LIG1: variants seen among roughly 807,000 people sequenced by gnomAD.
LIG1 encodes the protein DNA ligase 1, also known as ligase I, DNA, ATP-dependent.
Under a neutral mutation model 115.7 loss-of-function variants are expected in LIG1, and 70 were observed. The observed-to-expected ratio is 0.60, with a 90% CI of 0.50 to 0.74. LIG1 has a LOEUF of 0.74. Among genes scored for constraint, LIG1 ranks in the 30% least tolerant of loss-of-function variants. The pLI, the probability that LIG1 is intolerant of heterozygous loss-of-function variation, is 0.00. For synonymous variants in LIG1, 487 were observed against 495.3 expected, an observed-to-expected ratio of 0.98 and a Z score of 0.22; for missense variants, 1,115 against 1,225.6, an observed-to-expected ratio of 0.91 and a Z score of 1.35.
At chr19:48,159,353 A>G (rs2036040147) in intron 4 of LIG1, among the ~76,000 whole-genome samples, 1 of 137,834 alleles carries the variant, frequency 7.3e-6, no homozygotes, top group African/African-American at 3.3e-5. Context: ...TACAGGCGTG[A>G]GCCATCATGC....
rs1462062470 is a variant in LIG1, at chr19:48,127,276, C to A, written c.2004+1G>T. ...CCCCTGGACAGGAAGCTGGAACTCA[C>A]CTCTCCATTGAGGTAGATGAGGTCG... is the stretch of plus-strand genomic sequence containing the variant. On this transcript the variant is annotated splice_donor_variant, in intron 21 of 27. Transcript: ENST00000263274. LOFTEE classifies it high-confidence loss of function. 6.8e-6 allele frequency: 11 copies of A among 1,613,372 alleles called. No homozygotes were observed. Among genetic ancestry groups the A allele is most frequent in the Non-Finnish European group, 9.3e-6 (11 of 1,179,650 alleles).
intron 16 of LIG1, 123 bp downstream of exon 16, chr19:48,135,557 G>A (rs1474432895): frequency 3.7e-6 from 3 of 811,798 alleles, no homozygotes; most frequent in African/African-American, 1.7e-5. Context: ...GTCACCCCGT[G>A]ACCGGCACTC....
At chr19:48,144,229 A>T (rs1350569412) in intron 9 of LIG1, among the ~76,000 whole-genome samples, 1 of 152,156 alleles carries the variant, frequency 6.6e-6, no homozygotes, top group Admixed American at 6.5e-5. Context: ...AGAGGATGAG[A>T]TGAGGGTGCT....
At chr19:48,152,963 G>A (rs773917784) in intron 6 of LIG1, among the ~76,000 whole-genome samples, 8 of 152,126 alleles carry the variant, frequency 5.3e-5, no homozygotes, top group South Asian at 2.1e-4. Context: ...TTGTGAGGCC[G>A]AGGTGGGCAG....
chr19:48,133,901 G>T, intron 17 of LIG1, 80 bp downstream of exon 17: 3 of 1,156,884 alleles, frequency 2.6e-6, no homozygotes, highest in Non-Finnish European at 3.8e-6. Context: ...TGAGAGGGGC[G>T]CCTACGATGG....
rs200331136 is a variant in LIG1 at position 48,143,972 on chromosome 19, G to A, written c.777-9C>T. ...CAGATGGATCCAGGGGTCTACGGAG[G>A]CAAAACGGAGATTGAATTGCATAGA... On this transcript the variant is annotated splice_polypyrimidine_tract_variant and intron_variant, in intron 9 of 27. Transcript: ENST00000263274. 1.5e-4 allele frequency: 243 copies of A among 1,605,912 alleles called. No homozygotes were observed. The Middle Eastern group carries it at 4.0e-3, about 26-fold the overall frequency.
chr19:48,115,526 C>T lies in LIG1; in HGVS notation c.*123G>A. On this transcript the variant is annotated 3_prime_UTR_variant, in exon 28 of 28. Coordinates refer to ENST00000263274, the MANE Select transcript of LIG1 (RefSeq NM_000234.3). ...AGTAAGCCACCCCCTCACACACACA[C>T]CCCTCCCCTGACTCTCAAAATCCAC... is the stretch of plus-strand genomic sequence containing the variant. The T allele has an allele frequency of 1.4e-6, 1 of 733,926 alleles. No homozygotes were observed. Among genetic ancestry groups the T allele is most frequent in the Non-Finnish European group, 2.4e-6 (1 of 412,636 alleles). 45.5% of individuals were successfully genotyped at this position (733,926 alleles called of 1,614,324 possible).
intron 9 of LIG1, among the ~76,000 whole-genome samples, chr19:48,146,818 A>G (rs1164168656): frequency 1.3e-5 from 2 of 152,234 alleles, no homozygotes; most frequent in African/African-American, 2.4e-5. Flanking sequence ...CGATATGGCA[A>G]TGGGGAAGAA....
intron 20 of LIG1, 128 bp from the exon 21 acceptor site, chr19:48,127,476 G>T: frequency 1.2e-6 from 1 of 845,450 alleles, no homozygotes; most frequent in Non-Finnish European, 2.0e-6. Context: ...CTGTGAGGGC[G>T]GCCATGCTGC....
intron 1 of LIG1, among the ~76,000 whole-genome samples, chr19:48,166,168 G>A (rs1242496003): frequency 2.0e-5 from 3 of 152,206 alleles, no homozygotes; most frequent in African/African-American, 7.2e-5. Context: ...AGGCCGAGGT[G>A]GGTGGATCAC....
chr19:48,162,290 T>C lies in LIG1; in HGVS notation c.79A>G (p.Ser27Gly). The C allele has an allele frequency of 6.2e-7, 1 of 1,614,124 alleles. No individual in the cohort carries two copies. The highest frequency in any genetic ancestry group is 8.5e-7 in the Non-Finnish European group (1 of 1,179,980). The change falls in exon 3 of 28, where the codon AGC (serine) becomes GGC (glycine). Residue 27 changes from serine (S) to glycine (G), a missense_variant. By Grantham distance (56) the Ser-to-Gly change is moderately conservative. Coordinates refer to ENST00000263274, the MANE Select transcript of LIG1 (RefSeq NM_000234.3). ...GGAGGGGGCTCCGTCTCTCTGCTGCTATTGGATGCCTCCTTCTCAGGCTTC... is the reference window on the plus strand; with the variant it reads ...GGAGGGGGCTCCGTCTCTCTGCTGCCATTGGATGCCTCCTTCTCAGGCTTC... ...AKKPEKEASN[S>G]SRETEPPPKA...
chr19:48,142,630 C>T (rs114957627), intron 11 of LIG1, among the ~76,000 whole-genome samples: 3,046 of 151,922 alleles, frequency 0.02, 116 homozygotes, highest in African/African-American at 0.069. Context: ...CAGAATGAGC[C>T]GTACCCATGA....
rs1356327575 is a variant in LIG1, at chr19:48,157,090, A to C, written c.294T>G (p.Ser98=). 6.2e-7 allele frequency: 1 copy of C among 1,613,294 alleles called. No individual in the cohort carries two copies. The highest frequency in any genetic ancestry group is 8.5e-7 in the Non-Finnish European group (1 of 1,179,640). ...CAGAGAGGGAAGCATTGTTCTCAGGAGATGTGGCAGGACGGGGCGGGGAGA... is the reference window on the plus strand; with the variant it reads ...CAGAGAGGGAAGCATTGTTCTCAGGCGATGTGGCAGGACGGGGCGGGGAGA... ...SQVSPPRPAT[S]PENNASLSDT... Residue 98 remains serine (S), a synonymous_variant, in exon 5 of 28, where the codon TCT becomes TCG. Transcript: ENST00000263274.
chr19:48,146,002 G>C (rs762599877), intron 9 of LIG1: 2 of 152,438 alleles, frequency 1.3e-5, no homozygotes. Flanking sequence ...ACTCCCAGCA[G>C]TGTTGTGAGG....
chr19:48,150,008 C>T lies in LIG1; in HGVS notation c.697+80G>A, dbSNP rs560031251. 2.2e-5 allele frequency: 35 copies of T among 1,605,676 alleles called. No homozygotes were observed. The East Asian group carries it at 7.6e-4, about 35-fold the overall frequency. ...AGGAAAGGAAGAAGGGTCTTCGCAG[C>T]ATCTCAGGCCTCTGGAGAGAGGCTC... On this transcript the variant is annotated intron_variant, in intron 8 of 27. Transcript: ENST00000263274.
At chr19:48,165,814 C>T in intron 1 of LIG1, 191 bp from the exon 2 acceptor site, 4 of 618,832 alleles carry the variant, frequency 6.5e-6, no homozygotes, top group South Asian at 3.5e-5. Context: ...ATAAAAGCTC[C>T]AAATCAGAGA....
chr19:48,115,510 C>T lies in LIG1; in HGVS notation c.*139G>A. 1.5e-6 allele frequency: 1 copy of T among 684,474 alleles called. No homozygotes were observed. The highest frequency in any genetic ancestry group is 2.7e-6 in the Non-Finnish European group (1 of 376,834). 42.4% of individuals were successfully genotyped at this position (684,474 alleles called of 1,614,324 possible). ...GAATCCCAGACTCCGGAGTAAGCCA[C>T]CCCCTCACACACACACCCCTCCCCT... On this transcript the variant is annotated 3_prime_UTR_variant, in exon 28 of 28. Coordinates refer to ENST00000263274, the MANE Select transcript of LIG1 (RefSeq NM_000234.3).
rs552629928 is a variant in LIG1 at position 48,126,640 on chromosome 19, T to C, written c.2004+637A>G. Among the ~76,000 whole-genome samples the C allele has an allele frequency of 2.1e-4, 31 of 151,166 alleles. 1 individual carries two copies. Among genetic ancestry groups the C allele is most frequent in the Admixed American group, 9.2e-4 (14 of 15,166 alleles). ...AAAAAAAAATTCAAGACTCACTCCA[T>C]AGAGCTTGTTCATGTGGGTTACATA... On this transcript the variant is annotated intron_variant, in intron 21 of 27. Coordinates refer to ENST00000263274, the MANE Select transcript of LIG1 (RefSeq NM_000234.3).
At chr19:48,127,859 G>A in intron 20 of LIG1, 51 bp downstream of exon 20, 3 of 1,445,856 alleles carry the variant, frequency 2.1e-6, no homozygotes, top group Non-Finnish European at 2.9e-6. Flanking sequence ...GGACTGGGTG[G>A]AAGATGAGGA....
Sources: allele counts gnomAD v4.1 joint callset (sites outside exome capture counted in the v4.1 genomes callset), GRCh38; gene constraint gnomAD v4.1.1; transcripts MANE v1.5; gene names NCBI Gene and HGNC (gene_info 2026-07-23, HGNC 2026-07-21).